CSMD1: variants seen among roughly 807,000 people sequenced by gnomAD.
CSMD1 encodes CUB and Sushi multiple domains 1.
Under a neutral mutation model 417.5 loss-of-function variants are expected in CSMD1, and 213 were observed. The ratio of observed to expected loss-of-function variants is 0.51; its 90% CI spans 0.46 to 0.57. The LOEUF is 0.57. CSMD1 is among the 20% of genes least tolerant of loss of function. The pLI is 0.00. For synonymous variants in CSMD1, 2,862 were observed against 1,736.8 expected, an observed-to-expected ratio of 1.65 and a Z score of -16.11; for missense variants, 6,923 against 4,529.7, an observed-to-expected ratio of 1.53 and a Z score of -15.17.
At chr8:3,741,389 G>C (rs1043654602) in intron 6 of CSMD1, among the ~76,000 whole-genome samples, 3 of 152,034 alleles carry the variant, frequency 2.0e-5, no homozygotes, top group African/African-American at 7.2e-5. Flanking sequence ...TCACAGGATG[G>C]CATATAGGGC....
chr8:4,548,925 T>C (rs1797746857), intron 2 of CSMD1, among the ~76,000 whole-genome samples: 1 of 152,204 alleles, frequency 6.6e-6, no homozygotes, highest in Non-Finnish European at 1.5e-5. Flanking sequence ...GAAATTTCTC[T>C]TACCTCCATA....
intron 51 of CSMD1, among the ~76,000 whole-genome samples, chr8:3,020,116 C>G (rs1461837667): frequency 6.6e-6 from 1 of 152,168 alleles, no homozygotes; most frequent in African/African-American, 2.4e-5. Flanking sequence ...CAGACAGGAG[C>G]CAGGCAGCAC....
At chr8:4,416,067 C>T (rs764887144) in intron 3 of CSMD1, among the ~76,000 whole-genome samples, 2 of 152,122 alleles carry the variant, frequency 1.3e-5, no homozygotes, top group Non-Finnish European at 2.9e-5. Context: ...TAAGAAAAGA[C>T]ATGAATAAAG....
Position 3,267,611 on chromosome 8 carries a change from G to C in CSMD1, c.4153+16533C>G, listed in dbSNP as rs975204086. 2.6e-5 allele frequency among the ~76,000 whole-genome samples: 4 copies of C among 152,312 alleles called. No homozygotes were observed. In the Middle Eastern group the frequency reaches 0.01, roughly 389 times the overall value. ...AGACTTTGAGGATGGCATCGCTGCT[G>C]ATAGGAAAGAAATGTGTCCCGGCAA... On this transcript the variant is annotated intron_variant, in intron 26 of 69. Transcript: ENST00000635120.
chr8:3,680,771 T>C (rs1025617030), intron 7 of CSMD1, among the ~76,000 whole-genome samples: 13 of 152,224 alleles, frequency 8.5e-5, no homozygotes, highest in African/African-American at 2.9e-4. Context: ...CTGATGAACA[T>C]TGATGCAAAA....
chr8:3,488,789 T>C (rs1019631085), intron 11 of CSMD1, among the ~76,000 whole-genome samples: 1 of 152,180 alleles, frequency 6.6e-6, no homozygotes, highest in Non-Finnish European at 1.5e-5. Context: ...GTCTATACTG[T>C]CACTGGCATT....
intron 2 of CSMD1, among the ~76,000 whole-genome samples, chr8:4,612,178 G>C (rs1489907731): frequency 6.6e-6 from 1 of 152,008 alleles, no homozygotes; most frequent in Non-Finnish European, 1.5e-5. Flanking sequence ...TGAACGCTGA[G>C]TGCTAAAAAA....
At chr8:4,669,257 G>A (rs1267989168) in intron 1 of CSMD1, among the ~76,000 whole-genome samples, 1 of 152,044 alleles carries the variant, frequency 6.6e-6, no homozygotes, top group Non-Finnish European at 1.5e-5. Flanking sequence ...ATTTACTACT[G>A]ATTTTTACCT....
At chr8:3,858,963 G>C (rs1282768248) in intron 5 of CSMD1, among the ~76,000 whole-genome samples, 1 of 152,192 alleles carries the variant, frequency 6.6e-6, no homozygotes, top group African/African-American at 2.4e-5. Flanking sequence ...CAGAATTAAA[G>C]TATAACGACA....
intron 3 of CSMD1, among the ~76,000 whole-genome samples, chr8:4,131,816 G>A (rs534052181): frequency 1.4e-3 from 175 of 123,122 alleles, no homozygotes; most frequent in African/African-American, 5.1e-3. Context: ...AGGCTGGACT[G>A]CAGTGGTGCG....
rs560343932 is a variant in CSMD1, at chr8:4,942,865, C to G, written c.85+51467G>C. ...CAGATAGTGGGACCTTTATTTGTAT[C>G]CAAAACATTCTATGAAAGCTTTTTG... On this transcript the variant is annotated intron_variant, in intron 1 of 69. Coordinates refer to ENST00000635120, the MANE Select transcript of CSMD1 (RefSeq NM_033225.6). 2.9e-4 allele frequency among the ~76,000 whole-genome samples: 44 copies of G among 152,292 alleles called. No individual in the cohort carries two copies. The South Asian group carries it at 6.6e-3, about 23-fold the overall frequency.
chr8:3,027,309 C>T (rs74555368), intron 51 of CSMD1, among the ~76,000 whole-genome samples: 2,645 of 152,170 alleles, frequency 0.017, 63 homozygotes, highest in African/African-American at 0.059. Flanking sequence ...TACCATTCTC[C>T]ACCAGACGAT....
intron 3 of CSMD1, among the ~76,000 whole-genome samples, chr8:4,231,565 G>A (rs562196562): frequency 6.6e-6 from 1 of 152,126 alleles, no homozygotes; most frequent in Admixed American, 6.5e-5. Flanking sequence ...ACAACAGTTT[G>A]CATGTAACTA....
At chr8:3,839,564 T>C (rs1156893459) in intron 5 of CSMD1, among the ~76,000 whole-genome samples, 26 of 130,886 alleles carry the variant, frequency 2.0e-4, no homozygotes. Flanking sequence ...TATTATAATA[T>C]ATAATATTAA....
chr8:3,604,599 T>C (rs150923119), intron 8 of CSMD1, among the ~76,000 whole-genome samples: 139 of 151,890 alleles, frequency 9.2e-4, no homozygotes, highest in African/African-American at 3.3e-3. Context: ...AGTATATAAA[T>C]GATGACAAAT....
At chr8:3,577,864 A>G (rs926889604) in intron 9 of CSMD1, among the ~76,000 whole-genome samples, 2 of 152,112 alleles carry the variant, frequency 1.3e-5, no homozygotes, top group African/African-American at 4.8e-5. Context: ...ACTAGTCAGA[A>G]TCACCCTCAG....
chr8:4,821,686 G>A (rs538651993), intron 1 of CSMD1, among the ~76,000 whole-genome samples: 1 of 152,112 alleles, frequency 6.6e-6, no homozygotes, highest in Non-Finnish European at 1.5e-5. Context: ...TTCCTTTGAA[G>A]AAAGAGCCCT....
chr8:4,804,604 G>A (rs991141729), intron 1 of CSMD1, among the ~76,000 whole-genome samples: 5 of 151,972 alleles, frequency 3.3e-5, no homozygotes, highest in Non-Finnish European at 4.4e-5. Context: ...AGGAAAGTAC[G>A]AAGGAAGACA....
At chr8:3,277,108 G>C (rs1228773618) in intron 26 of CSMD1, among the ~76,000 whole-genome samples, 2 of 152,234 alleles carry the variant, frequency 1.3e-5, no homozygotes, top group South Asian at 2.1e-4. Flanking sequence ...CATCCAAGCT[G>C]AGAGAGGCTA....
Sources: allele counts gnomAD v4.1 joint callset (sites outside exome capture counted in the v4.1 genomes callset), GRCh38; gene constraint gnomAD v4.1.1; transcripts MANE v1.5; gene names NCBI Gene and HGNC (gene_info 2026-07-23, HGNC 2026-07-21).